NUBPL: variants seen among roughly 807,000 people sequenced by gnomAD.
NUBPL encodes the protein iron-sulfur cluster transfer protein NUBPL.
NUBPL carries 31 observed loss-of-function variants against 45.7 expected under a neutral mutation model. That is an observed-to-expected ratio of 0.68 (90% CI 0.51 to 0.92). NUBPL has a LOEUF of 0.92. Ranked by LOEUF, NUBPL falls within the 40% of genes least tolerant of loss-of-function variation. The pLI, the probability that NUBPL is intolerant of heterozygous loss-of-function variation, is 0.00. For missense variants in NUBPL, 401 were observed against 398.7 expected, an observed-to-expected ratio of 1.01 and a Z score of -0.05; for synonymous variants, 144 against 140.9, an observed-to-expected ratio of 1.02 and a Z score of -0.15.
chr14:31,834,243 T>C (rs1006635652), intron 8 of NUBPL, among the ~76,000 whole-genome samples: 6 of 137,160 alleles, frequency 4.4e-5, no homozygotes, highest in East Asian at 2.2e-4. Context: ...TGCAGTGGTG[T>C]AATCTTGGCT....
intron 3 of NUBPL, among the ~76,000 whole-genome samples, chr14:31,566,083 T>A (rs1444870762): frequency 6.6e-6 from 1 of 152,170 alleles, no homozygotes; most frequent in Admixed American, 6.5e-5. Context: ...AAGAATCATT[T>A]AATATGTTTA....
intron 7 of NUBPL, among the ~76,000 whole-genome samples, chr14:31,808,863 T>A (rs2039743489): frequency 6.6e-6 from 1 of 152,228 alleles, no homozygotes; most frequent in South Asian, 2.1e-4. Flanking sequence ...TTTCTGCATC[T>A]ATTGAGATAA....
In NUBPL at chr14:31,637,806, CTCT is replaced by C. The variant is rs563433640; in HGVS notation, c.383-35544_383-35542del. ...GGTGCATATATATTAAGATAGTTAGCTCTTCTTGTTGAATTGATCCCTTTACCA... is the reference window on the plus strand; with the variant it reads ...GGTGCATATATATTAAGATAGTTAGCTCTTGTTGAATTGATCCCTTTACCA... On this transcript the variant is annotated intron_variant, in intron 4 of 10. Coordinates refer to ENST00000281081, the MANE Select transcript of NUBPL (RefSeq NM_025152.3). Among the ~76,000 whole-genome samples the C allele has an allele frequency of 4.1e-3, 619 of 152,254 alleles. 5 individuals carry two copies. The highest frequency in any genetic ancestry group is 0.014 in the African/African-American group (584 of 41,536).
chr14:31,591,537 T>C (rs752174923), intron 3 of NUBPL, among the ~76,000 whole-genome samples: 1 of 152,224 alleles, frequency 6.6e-6, no homozygotes, highest in East Asian at 1.9e-4. Context: ...TCTATTTTTT[T>C]TGGAGTTGAG....
At chr14:31,818,627 C>A (rs950352985) in intron 7 of NUBPL, among the ~76,000 whole-genome samples, 1 of 152,212 alleles carries the variant, frequency 6.6e-6, no homozygotes, top group Non-Finnish European at 1.5e-5. Context: ...CGGCTTACTG[C>A]AAGCTCCGCC....
intron 6 of NUBPL, among the ~76,000 whole-genome samples, chr14:31,685,668 A>G (rs2036936220): frequency 6.6e-6 from 1 of 152,224 alleles, no homozygotes; most frequent in African/African-American, 2.4e-5. Flanking sequence ...TATTTTTGAA[A>G]AAGAAGTTCT....
intron 6 of NUBPL, among the ~76,000 whole-genome samples, chr14:31,702,377 C>T (rs2037359694): frequency 1.3e-5 from 2 of 152,146 alleles, no homozygotes; most frequent in Admixed American, 1.3e-4. Flanking sequence ...TCTCCTGTCC[C>T]TCCAGTCATG....
chr14:31,819,956 C>T (rs144895265), intron 7 of NUBPL, among the ~76,000 whole-genome samples: 1,619 of 151,826 alleles, frequency 0.011, 26 homozygotes, highest in African/African-American at 0.037. Flanking sequence ...CTGGCTAACA[C>T]GGTGAAACCC....
intron 3 of NUBPL, among the ~76,000 whole-genome samples, chr14:31,598,812 T>C (rs1377538632): frequency 3.3e-5 from 5 of 152,238 alleles, no homozygotes; most frequent in Non-Finnish European, 7.3e-5. Flanking sequence ...TCACTTGCTT[T>C]ATTATGGCCC....
intron 6 of NUBPL, among the ~76,000 whole-genome samples, chr14:31,745,720 T>C (rs1177902808): frequency 1.3e-5 from 2 of 151,932 alleles, no homozygotes; most frequent in Non-Finnish European, 2.9e-5. Flanking sequence ...TATTCAGGCT[T>C]ATGTACAAGG....
At chr14:31,626,091 A>G (rs1458190219) in intron 4 of NUBPL, among the ~76,000 whole-genome samples, 6 of 152,172 alleles carry the variant, frequency 3.9e-5, no homozygotes, top group Non-Finnish European at 5.9e-5. Flanking sequence ...TATGTGTGGG[A>G]TATTTTATTT....
intron 6 of NUBPL, among the ~76,000 whole-genome samples, chr14:31,720,087 A>C (rs915012981): frequency 1.8e-4 from 28 of 152,152 alleles, no homozygotes; most frequent in African/African-American, 6.5e-4. Context: ...AAGTGCCTAG[A>C]TTATATGATT....
intron 7 of NUBPL, among the ~76,000 whole-genome samples, chr14:31,822,165 C>A (rs1263699164): frequency 3.9e-5 from 6 of 152,026 alleles, no homozygotes; most frequent in African/African-American, 1.4e-4. Flanking sequence ...CTTAATTGTA[C>A]ATTTTAAAAT....
intron 8 of NUBPL, among the ~76,000 whole-genome samples, chr14:31,839,870 G>A (rs1455926482): frequency 6.6e-6 from 1 of 152,148 alleles, no homozygotes; most frequent in Non-Finnish European, 1.5e-5. Flanking sequence ...TCAGGGAAAT[G>A]CAAATCAAAA....
At chr14:31,769,593 A>AT (rs2038971217) in intron 6 of NUBPL, among the ~76,000 whole-genome samples, 1 of 152,224 alleles carries the variant, frequency 6.6e-6, no homozygotes, top group African/African-American at 2.4e-5. Context: ...TTAAAAAAAA[A>AT]GTTTGTTAAA....
intron 6 of NUBPL, among the ~76,000 whole-genome samples, chr14:31,744,809 A>G (rs142352686): frequency 0.019 from 2,917 of 151,794 alleles, 40 homozygotes; most frequent in Non-Finnish European, 0.03. Flanking sequence ...TTTAGTAGAG[A>G]CAGGGTTTCA....
intron 4 of NUBPL, among the ~76,000 whole-genome samples, chr14:31,636,724 G>C (rs952855576): frequency 9.1e-4 from 139 of 152,024 alleles, no homozygotes; most frequent in Non-Finnish European, 1.6e-3. Flanking sequence ...TGGTCCTGGA[G>C]TCTTTTTAGT....
intron 6 of NUBPL, among the ~76,000 whole-genome samples, chr14:31,747,789 G>T (rs1024155047): frequency 1.1e-4 from 16 of 151,878 alleles, no homozygotes; most frequent in Admixed American, 2.0e-4. Flanking sequence ...ATTTTTTAAA[G>T]TCTCTATTTC....
intron 7 of NUBPL, among the ~76,000 whole-genome samples, chr14:31,804,026 TG>T (rs1688055040): frequency 1.3e-5 from 2 of 152,146 alleles, no homozygotes; most frequent in African/African-American, 4.8e-5. Context: ...CCCAAGTAAC[TG>T]GGATTACAGG....
Sources: allele counts gnomAD v4.1 joint callset (sites outside exome capture counted in the v4.1 genomes callset), GRCh38; gene constraint gnomAD v4.1.1; transcripts MANE v1.5; gene names NCBI Gene and HGNC (gene_info 2026-07-23, HGNC 2026-07-21).